CLASP1: variants seen among roughly 807,000 people sequenced by gnomAD.
CLASP1 encodes the protein cytoplasmic linker associated protein 1.
Under a neutral mutation model 192.3 loss-of-function variants are expected in CLASP1, and 38 were observed. The ratio of observed to expected loss-of-function variants is 0.20; its 90% CI spans 0.15 to 0.26. CLASP1 has a LOEUF of 0.26. Among genes scored for constraint, CLASP1 ranks in the 10% least tolerant of loss-of-function variants. CLASP1 has a pLI of 1.00. For synonymous variants in CLASP1, 691 were observed against 712.8 expected (o/e 0.97, Z 0.49); for missense variants, 1,433 against 1,932.5 (o/e 0.74, Z 4.85).
intron 14 of CLASP1, among the ~76,000 whole-genome samples, chr2:121,454,154 C>T (rs147758619): frequency 1.3e-5 from 2 of 151,762 alleles, no homozygotes; most frequent in Admixed American, 1.3e-4. Context: ...CCCTGCCCAC[C>T]CCCCCCTCCA....
chr2:121,633,985 G>A (rs1334405481), intron 1 of CLASP1, among the ~76,000 whole-genome samples: 4 of 149,780 alleles, frequency 2.7e-5, no homozygotes, highest in East Asian at 2.0e-4. Flanking sequence ...GCGACAGAGC[G>A]AGACTCCGTC....
intron 2 of CLASP1, 159 bp from the exon 3 acceptor site, chr2:121,530,484 A>G (rs967422212): frequency 1.7e-6 from 1 of 603,410 alleles, no homozygotes; most frequent in South Asian, 2.0e-5. Context: ...ACGAAGAAGG[A>G]TGATCTTCCA....
At chr2:121,588,088 C>T (rs1424703018) in intron 2 of CLASP1, among the ~76,000 whole-genome samples, 2 of 146,578 alleles carry the variant, frequency 1.4e-5, no homozygotes, top group Non-Finnish European at 3.0e-5. Flanking sequence ...GCAGGAGAAT[C>T]ACTTGAACCC....
At chr2:121,423,125 T>C (rs1034937587) in intron 22 of CLASP1, among the ~76,000 whole-genome samples, 3 of 152,146 alleles carry the variant, frequency 2.0e-5, no homozygotes, top group African/African-American at 7.2e-5. Flanking sequence ...ATTTTATTCA[T>C]ATAGATTTCT....
chr2:121,536,441 A>G (rs2095082033), intron 2 of CLASP1, among the ~76,000 whole-genome samples: 1 of 151,566 alleles, frequency 6.6e-6, no homozygotes, highest in African/African-American at 2.4e-5. Flanking sequence ...CAGCAATTCC[A>G]TTTCTGGGCA....
intron 8 of CLASP1, among the ~76,000 whole-genome samples, chr2:121,488,256 T>C (rs949382373): frequency 6.6e-6 from 1 of 152,204 alleles, no homozygotes; most frequent in Non-Finnish European, 1.5e-5. Flanking sequence ...ATTTTAAACC[T>C]CAGTTCAACC....
rs193043970 is a variant in CLASP1 at position 121,559,498 on chromosome 2, T to C, written c.196-29173A>G. ...TACATAATGGAATATTATTTGGCAA[T>C]AAAAAGAAATTAAGTACTGAATTCA... On this transcript the variant is annotated intron_variant, in intron 2 of 39. Coordinates refer to ENST00000263710, the Ensembl canonical transcript of CLASP1. Among the ~76,000 whole-genome samples the C allele has an allele frequency of 2.0e-4, 30 of 152,194 alleles. No individual in the cohort carries two copies. In the Middle Eastern group the frequency reaches 0.014, roughly 69 times the overall value.
At chr2:121,607,009 T>C (rs920414854) in intron 1 of CLASP1, among the ~76,000 whole-genome samples, 2 of 151,420 alleles carry the variant, frequency 1.3e-5, no homozygotes, top group African/African-American at 4.9e-5. Context: ...TGAGCCGAGA[T>C]TGCGCCACTG....
At chr2:121,645,033 A>G (rs2072912132) in intron 1 of CLASP1, among the ~76,000 whole-genome samples, 1 of 151,972 alleles carries the variant, frequency 6.6e-6, no homozygotes, top group Admixed American at 6.6e-5. Context: ...GGAAAGGACT[A>G]ACCATTTAGG....
At chr2:121,639,055 T>C (rs2071502362) in intron 1 of CLASP1, among the ~76,000 whole-genome samples, 1 of 151,920 alleles carries the variant, frequency 6.6e-6, no homozygotes, top group Non-Finnish European at 1.5e-5. Flanking sequence ...GGTAGGCGGA[T>C]CACAAGGTCA....
At chr2:121,509,816 CAA>C (rs2150308879) in intron 7 of CLASP1, among the ~76,000 whole-genome samples, 2 of 152,026 alleles carry the variant, frequency 1.3e-5, no homozygotes, top group African/African-American at 4.8e-5. Flanking sequence ...CCAGCCTGGA[CAA>C]AAGAGTGAGA....
chr2:121,342,063 TAAAC>T (rs1426990483), intron 39 of CLASP1, among the ~76,000 whole-genome samples: 1 of 151,998 alleles, frequency 6.6e-6, no homozygotes, highest in Non-Finnish European at 1.5e-5. Flanking sequence ...AACATATTCT[TAAAC>T]AACCAATGAG....
intron 1 of CLASP1, among the ~76,000 whole-genome samples, chr2:121,623,491 T>C (rs75772394): frequency 0.037 from 5,605 of 152,348 alleles, 159 homozygotes; most frequent in East Asian, 0.14. Context: ...TTCTGTAGTT[T>C]TCTTGTCTTG....
intron 6 of CLASP1, among the ~76,000 whole-genome samples, chr2:121,522,675 C>G (rs1024824161): frequency 6.6e-6 from 1 of 152,138 alleles, no homozygotes; most frequent in Non-Finnish European, 1.5e-5. Flanking sequence ...TCCCCATAAT[C>G]AGTCCAGGAG....
exon 40 of CLASP1, chr2:121,340,297 G>A (rs2062658263): frequency 6.6e-6 from 1 of 152,318 alleles, no homozygotes; most frequent in Non-Finnish European, 1.5e-5. Context: ...AATTCCCAGC[G>A]TTTGTTAAAA....
chr2:121,634,684 C>T lies in CLASP1; in HGVS notation c.-286+14688G>A, dbSNP rs141301253. On this transcript the variant is annotated intron_variant, in intron 1 of 39. Coordinates refer to ENST00000263710, the Ensembl canonical transcript of CLASP1. ...TCCCACTATGTTTACTTTAGAAACG[C>T]AGTCACAGACCACAGGAAATCTGCC... is the stretch of plus-strand genomic sequence containing the variant. Among the ~76,000 whole-genome samples the T allele has an allele frequency of 2.0e-3, 311 of 152,304 alleles. 1 individual carries two copies. The highest frequency in any genetic ancestry group is 6.0e-3 in the African/African-American group (248 of 41,568).
intron 19 of CLASP1, among the ~76,000 whole-genome samples, chr2:121,437,785 T>C (rs990915721): frequency 2.0e-5 from 3 of 152,172 alleles, no homozygotes; most frequent in Non-Finnish European, 4.4e-5. Flanking sequence ...TCACATCAAA[T>C]GCCCAAGGAC....
chr2:121,389,650 C>T (rs2073998083), intron 30 of CLASP1, among the ~76,000 whole-genome samples: 1 of 152,158 alleles, frequency 6.6e-6, no homozygotes, highest in South Asian at 2.1e-4. Flanking sequence ...TATATGATTA[C>T]ATTCTTGAAT....
At chr2:121,561,950 A>C (rs773629615) in intron 2 of CLASP1, among the ~76,000 whole-genome samples, 2 of 152,220 alleles carry the variant, frequency 1.3e-5, no homozygotes, top group African/African-American at 2.4e-5. Context: ...TCATTAGGGA[A>C]TCTGGCAATT....
Sources: allele counts gnomAD v4.1 joint callset (sites outside exome capture counted in the v4.1 genomes callset), GRCh38; gene constraint gnomAD v4.1.1; transcripts MANE v1.5; gene names NCBI Gene and HGNC (gene_info 2026-07-23, HGNC 2026-07-21).